Variants in PTPRM observed in about 807,000 individuals in gnomAD.
The protein encoded by PTPRM is receptor-type tyrosine-protein phosphatase mu.
A neutral mutation model predicts 186.7 loss-of-function variants in PTPRM; 47 were observed. That is an observed-to-expected ratio of 0.25 (90% CI 0.20 to 0.32). The LOEUF (loss-of-function observed/expected upper bound fraction) is 0.32, where lower values mean the gene tolerates loss of function less well. Ranked by LOEUF, PTPRM falls within the 10% of genes least tolerant of loss-of-function variation. The pLI, the probability that PTPRM is intolerant of heterozygous loss-of-function variation, is 1.00. For missense variants in PTPRM, 1,494 were observed against 1,865.0 expected, an observed-to-expected ratio of 0.80 and a Z score of 3.66; for synonymous variants, 668 against 674.9, an observed-to-expected ratio of 0.99 and a Z score of 0.16.
intron 2 of PTPRM, among the ~76,000 whole-genome samples, chr18:7,827,449 G>A (rs770264214): frequency 7.9e-5 from 12 of 152,168 alleles, no homozygotes; most frequent in Admixed American, 2.0e-4. Flanking sequence ...ACTCCCCACA[G>A]CTGTACTCTG....
intron 14 of PTPRM, among the ~76,000 whole-genome samples, chr18:8,210,629 G>T (rs2093990552): frequency 6.6e-6 from 1 of 152,188 alleles, no homozygotes; most frequent in Non-Finnish European, 1.5e-5. Context: ...GAATCCAAGT[G>T]GGAAAGCCGA....
intron 31 of PTPRM, among the ~76,000 whole-genome samples, chr18:8,393,955 A>AT (rs553152566): frequency 9.3e-5 from 14 of 150,720 alleles, no homozygotes; most frequent in Admixed American, 6.6e-4. Context: ...CGCCCGGCTA[A>AT]TTTTTTTTGT....
intron 17 of PTPRM, among the ~76,000 whole-genome samples, chr18:8,250,871 T>G (rs1007005343): frequency 6.6e-6 from 1 of 152,148 alleles, no homozygotes; most frequent in African/African-American, 2.4e-5. Context: ...GTAATATATT[T>G]TATCAATAAT....
At chr18:7,856,156 T>G (rs915028522) in intron 2 of PTPRM, among the ~76,000 whole-genome samples, 19 of 152,166 alleles carry the variant, frequency 1.2e-4, no homozygotes, top group African/African-American at 4.1e-4. Context: ...TAGATTCCCT[T>G]CTATTTTCCA....
At chr18:8,339,805 A>C (rs1311553734) in intron 22 of PTPRM, among the ~76,000 whole-genome samples, 1 of 152,110 alleles carries the variant, frequency 6.6e-6, no homozygotes, top group Non-Finnish European at 1.5e-5. Context: ...GTGACAGTAA[A>C]GTCCACCCCT....
At chr18:8,237,452 T>A (rs898900118) in intron 14 of PTPRM, among the ~76,000 whole-genome samples, 49 of 82,584 alleles carry the variant, frequency 5.9e-4, no homozygotes, top group Admixed American at 4.8e-3. Flanking sequence ...TTTTTTTTTT[T>A]TTTTTTTTTT....
At chr18:7,990,325 C>T (rs1200824654) in intron 7 of PTPRM, among the ~76,000 whole-genome samples, 6 of 152,218 alleles carry the variant, frequency 3.9e-5, no homozygotes, top group Middle Eastern at 6.8e-3. Context: ...TGTGTGTGTG[C>T]GCTAAGTGTG....
At chr18:7,803,527 A>C (rs145751252) in intron 2 of PTPRM, among the ~76,000 whole-genome samples, 5 of 152,166 alleles carry the variant, frequency 3.3e-5, no homozygotes, top group Non-Finnish European at 5.9e-5. Context: ...ATCCTCATGC[A>C]TTCTGGGGAT....
chr18:8,195,783 G>A (rs1189470564), intron 14 of PTPRM, among the ~76,000 whole-genome samples: 5 of 152,086 alleles, frequency 3.3e-5, no homozygotes, highest in Non-Finnish European at 7.4e-5. Context: ...TCCTTAATGG[G>A]TACAGTGTAC....
At chr18:8,202,806 CCTTAT>C (rs1476553627) in intron 14 of PTPRM, among the ~76,000 whole-genome samples, 4 of 152,124 alleles carry the variant, frequency 2.6e-5, no homozygotes, top group Non-Finnish European at 4.4e-5. Context: ...TAGGCAATTA[CCTTAT>C]CTTAATAAAA....
intron 10 of PTPRM, among the ~76,000 whole-genome samples, chr18:8,087,049 C>A (rs1464809584): frequency 3.3e-5 from 5 of 152,008 alleles, no homozygotes; most frequent in South Asian, 2.1e-4. Flanking sequence ...GACTTGGAAT[C>A]AAAAAATCTA....
intron 14 of PTPRM, among the ~76,000 whole-genome samples, chr18:8,178,430 C>G (rs918477925): frequency 3.3e-5 from 5 of 152,128 alleles, no homozygotes; most frequent in Admixed American, 3.3e-4. Context: ...TATACTTGGC[C>G]TGATTATTTG....
intron 20 of PTPRM, among the ~76,000 whole-genome samples, chr18:8,305,578 T>C (rs2095212698): frequency 1.3e-5 from 2 of 152,172 alleles, no homozygotes; most frequent in South Asian, 4.1e-4. Flanking sequence ...ATAACTGAGA[T>C]TCATACAGGG....
At chr18:8,399,503 G>GT (rs1044219107) in intron 32 of PTPRM, among the ~76,000 whole-genome samples, 35 of 152,276 alleles carry the variant, frequency 2.3e-4, no homozygotes, top group Middle Eastern at 3.4e-3. Flanking sequence ...CAAAGCTGTT[G>GT]TTTTTTACAA....
chr18:7,628,710 G>C (rs889256802), intron 1 of PTPRM, among the ~76,000 whole-genome samples: 8 of 152,028 alleles, frequency 5.3e-5, no homozygotes, highest in Non-Finnish European at 7.4e-5. Context: ...ATAATTGAGG[G>C]CCCACCCTGT....
chr18:7,860,942 C>T (rs1450451881), intron 2 of PTPRM, among the ~76,000 whole-genome samples: 1 of 152,152 alleles, frequency 6.6e-6, no homozygotes, highest in African/African-American at 2.4e-5. Context: ...CTTCTGGATC[C>T]TTATCCCAAT....
intron 23 of PTPRM, among the ~76,000 whole-genome samples, chr18:8,357,574 C>T (rs1356300480): frequency 6.6e-6 from 1 of 152,202 alleles, no homozygotes; most frequent in African/African-American, 2.4e-5. Flanking sequence ...AGGACTCTCA[C>T]GATCGTTTAA....
At chr18:8,256,905 G>A (rs987749462) in intron 19 of PTPRM, among the ~76,000 whole-genome samples, 9 of 152,212 alleles carry the variant, frequency 5.9e-5, no homozygotes, top group African/African-American at 1.9e-4. Flanking sequence ...AAAATTATTG[G>A]TTGCTGCATT....
At chr18:8,358,873 A>G (rs2017946) in intron 23 of PTPRM, among the ~76,000 whole-genome samples, 115,155 of 152,116 alleles carry the variant, frequency 0.76, 44,157 homozygotes, top group Middle Eastern at 0.81. Flanking sequence ...GTGCATACGA[A>G]GGGAATTTCT....
Sources: gnomAD v4.1 joint callset for allele counts (sites outside exome capture counted in the v4.1 genomes callset) on GRCh38, gnomAD v4.1.1 for gene constraint, MANE v1.5 for transcripts, NCBI Gene and HGNC (gene_info 2026-07-23, HGNC 2026-07-21) for gene names.